The following ACTL8 variants were observed in gnomAD, a reference collection of about 807,000 sequenced individuals.
The protein encoded by ACTL8 is actin-like protein 8.
In ACTL8, 3 loss-of-function variants were observed where a neutral mutation model predicts 9.3. The ratio of observed to expected loss-of-function variants is 0.32; its 90% confidence interval spans 0.15 to 0.83. The LOEUF (loss-of-function observed/expected upper bound fraction) is 0.83, where lower values mean the gene tolerates loss of function less well. Among genes scored for constraint, ACTL8 ranks in the 40% least tolerant of loss-of-function variants. The pLI, the probability that ACTL8 is intolerant of heterozygous loss-of-function variation, is 0.57. For synonymous variants in ACTL8, 224 were observed against 205.9 expected, an observed-to-expected ratio of 1.09 and a Z score of -0.75; for missense variants, 381 against 492.2, an observed-to-expected ratio of 0.77 and a Z score of 2.14.
rs141409529 is a variant in ACTL8, at chr1:17,756,104, G to T, written c.-25+600G>T. On this transcript the variant is annotated intron_variant, in intron 1 of 2. Coordinates refer to ENST00000375406, the MANE Select transcript of ACTL8 (RefSeq NM_030812.3). ...GGACTTTATTTCAGCCTTCGGAGGG[G>T]ACTCTTCCTTGGGGGATCAATCACA... is the stretch of plus-strand genomic sequence containing the variant. 6.6e-5 allele frequency among the ~76,000 whole-genome samples: 10 copies of T among 151,880 alleles called. 1 individual carries two copies. The highest frequency in any genetic ancestry group is 3.4e-3 in the Middle Eastern group (1 of 294).
At chr1:17,769,913 C>T (rs1044208373) in intron 1 of ACTL8, among the ~76,000 whole-genome samples, 1 of 152,212 alleles carries the variant, frequency 6.6e-6, no homozygotes, top group African/African-American at 2.4e-5. Context: ...AATAGTAGCT[C>T]CATGGCCTGA....
At chr1:17,824,044 C>T (rs1043298609) in intron 2 of ACTL8, among the ~76,000 whole-genome samples, 1 of 152,072 alleles carries the variant, frequency 6.6e-6, no homozygotes, top group African/African-American at 2.4e-5. Flanking sequence ...TCATGGTGGA[C>T]TGTTGGGGGT....
At chr1:17,824,076 C>T (rs959075351) in intron 2 of ACTL8, among the ~76,000 whole-genome samples, 7 of 152,074 alleles carry the variant, frequency 4.6e-5, no homozygotes, top group African/African-American at 7.2e-5. Context: ...TTGAAGAGAG[C>T]GCTCAGGAAG....
rs966201154 is a variant in ACTL8 at position 17,767,195 on chromosome 1, T to C, written c.-25+11691T>C. ...AGCAGCGTCTGCAAAGGCCCTGCGG[T>C]GGGACTGTGGAGGCCTGCTCTGGAA... On this transcript the variant is annotated intron_variant, in intron 1 of 2. Coordinates refer to ENST00000375406, the MANE Select transcript of ACTL8 (RefSeq NM_030812.3). The surrounding 1 kb of genome is among the most constrained non-coding windows in gnomAD (Gnocchi z 4.7). Among the ~76,000 whole-genome samples the C allele has an allele frequency of 6.6e-6, 1 of 152,000 alleles. No individual in the cohort carries two copies. The highest frequency in any genetic ancestry group is 2.4e-5 in the African/African-American group (1 of 41,394).
chr1:17,769,878 T>C (rs948694117), intron 1 of ACTL8, among the ~76,000 whole-genome samples: 3 of 152,226 alleles, frequency 2.0e-5, no homozygotes, highest in Non-Finnish European at 4.4e-5. Context: ...TTATTTGAAA[T>C]TTTTGAAAGA....
At chr1:17,787,865 C>T (rs1481530433) in intron 1 of ACTL8, among the ~76,000 whole-genome samples, 1 of 152,088 alleles carries the variant, frequency 6.6e-6, no homozygotes, top group Non-Finnish European at 1.5e-5. Flanking sequence ...TCACATTTAC[C>T]CTGGTAATTT....
intron 1 of ACTL8, among the ~76,000 whole-genome samples, chr1:17,822,119 C>T (rs892707515): frequency 7.9e-5 from 12 of 152,172 alleles, no homozygotes; most frequent in Non-Finnish European, 1.6e-4. Flanking sequence ...GTGTTAGATG[C>T]TTAGCTCATG....
chr1:17,816,625 T>A (rs118160240), intron 1 of ACTL8, among the ~76,000 whole-genome samples: 1 of 152,352 alleles, frequency 6.6e-6, no homozygotes, highest in East Asian at 1.9e-4. Context: ...GTCACCCCTG[T>A]TGCACGCAGC....
intron 1 of ACTL8, among the ~76,000 whole-genome samples, chr1:17,812,930 A>G (rs933253950): frequency 3.3e-4 from 50 of 152,220 alleles, no homozygotes; most frequent in African/African-American, 1.2e-3. Flanking sequence ...TTTTTTAAAG[A>G]AACACTTTTC....
intron 1 of ACTL8, among the ~76,000 whole-genome samples, chr1:17,756,392 C>CG (rs1220053161): frequency 1.3e-5 from 2 of 151,306 alleles, no homozygotes; most frequent in Non-Finnish European, 2.9e-5. Context: ...GGATTCTTAG[C>CG]GGGGGGTTGT....
rs1190475092 is a variant in ACTL8 at position 17,823,752 on chromosome 1, C to T, written c.348+396C>T. The stretch of plus-strand genomic sequence containing the variant: ...CAAAAAAACAAACAAACAAAAAAAC[C>T]CAACAGAAACCAACAAATTGCCCCA... On this transcript the variant is annotated intron_variant, in intron 2 of 2. Transcript: ENST00000375406. This position sits in a 1 kb window ranked among gnomAD's most constrained non-coding sequence, Gnocchi z 5.3. Among the ~76,000 whole-genome samples the T allele has an allele frequency of 6.6e-6, 1 of 151,914 alleles. No homozygotes were observed. Among genetic ancestry groups the T allele is most frequent in the Non-Finnish European group, 1.5e-5 (1 of 67,978 alleles).
chr1:17,812,847 G>A (rs915925924), intron 1 of ACTL8, among the ~76,000 whole-genome samples: 1 of 152,018 alleles, frequency 6.6e-6, no homozygotes, highest in Non-Finnish European at 1.5e-5. Flanking sequence ...GTAGTTTTAA[G>A]CACATTTAAT....
chr1:17,788,335 C>A (rs1047638873), intron 1 of ACTL8, among the ~76,000 whole-genome samples: 106 of 152,344 alleles, frequency 7.0e-4, no homozygotes, highest in African/African-American at 2.5e-3. Context: ...TGCCACATGC[C>A]TACCTTCCTT....
chr1:17,768,997 T>C lies in ACTL8; in HGVS notation c.-25+13493T>C, dbSNP rs1481267928. Among the ~76,000 whole-genome samples the C allele has an allele frequency of 2.6e-5, 4 of 152,308 alleles. No individual in the cohort carries two copies. In the South Asian group the frequency reaches 8.3e-4, roughly 32 times the overall value. ...TGTAGCCTGTTTAACCTACTGATGC[T>C]GCTATTTCCCTTTTATACAGATGAA... On this transcript the variant is annotated intron_variant, in intron 1 of 2. Transcript: ENST00000375406.
At chr1:17,772,093 T>C (rs1360510762) in intron 1 of ACTL8, among the ~76,000 whole-genome samples, 3 of 152,114 alleles carry the variant, frequency 2.0e-5, no homozygotes, top group Non-Finnish European at 2.9e-5. Flanking sequence ...GCTTCGTGTA[T>C]CCCCGTGAGG....
intron 1 of ACTL8, among the ~76,000 whole-genome samples, chr1:17,786,181 C>T (rs2066196160): frequency 1.3e-5 from 2 of 152,312 alleles, no homozygotes. Context: ...CTCTCTCCAG[C>T]CTGTTCAGAC....
chr1:17,768,171 C>G (rs938809518), intron 1 of ACTL8, among the ~76,000 whole-genome samples: 1 of 3,812 alleles, frequency 2.6e-4, no homozygotes, highest in Admixed American at 3.4e-3. Flanking sequence ...AATAGGGTGG[C>G]GGGCAGGTGG....
chr1:17,814,147 G>C (rs1225845804), intron 1 of ACTL8, among the ~76,000 whole-genome samples: 1 of 152,136 alleles, frequency 6.6e-6, no homozygotes, highest in East Asian at 1.9e-4. Context: ...TATGATGGTG[G>C]TCCCATAAGA....
At chr1:17,790,754 C>G (rs1385345680) in intron 1 of ACTL8, among the ~76,000 whole-genome samples, 4 of 152,344 alleles carry the variant, frequency 2.6e-5, no homozygotes, top group East Asian at 1.9e-4. Context: ...TTCATAGTGC[C>G]CCAGGCTGTA....
Sources: allele counts gnomAD v4.1 joint callset (sites outside exome capture counted in the v4.1 genomes callset), GRCh38; gene constraint gnomAD v4.1.1; non-coding constraint Gnocchi (gnomAD v3.1); transcripts MANE v1.5; gene names NCBI Gene and HGNC (gene_info 2026-07-23, HGNC 2026-07-21).